UBE2D1: variants seen among roughly 807,000 people sequenced by gnomAD.
The protein encoded by UBE2D1 is ubiquitin conjugating enzyme E2 D1.
Under a neutral mutation model 24.6 loss-of-function variants are expected in UBE2D1, and 9 were observed. That is an observed-to-expected ratio of 0.37 (90% confidence interval 0.22 to 0.64). The LOEUF is 0.64. UBE2D1 is among the 30% of genes least tolerant of loss of function. The probability of loss-of-function intolerance (pLI) is 0.64; values close to 1 mark genes in which losing one functional copy is unlikely to be tolerated. For synonymous variants in UBE2D1, 57 were observed against 57.6 expected, an observed-to-expected ratio of 0.99 and a Z score of 0.04; for missense variants, 87 against 177.1, an observed-to-expected ratio of 0.49 and a Z score of 2.89.
At chr10:58,348,894 C>T (rs886779871) in intron 1 of UBE2D1, among the ~76,000 whole-genome samples, 1 of 152,130 alleles carries the variant, frequency 6.6e-6, no homozygotes, top group African/African-American at 2.4e-5. Flanking sequence ...TTGAATTAGG[C>T]TGCCTCATCT....
chr10:58,362,254 A>G (rs932067367), intron 3 of UBE2D1, among the ~76,000 whole-genome samples: 1 of 152,196 alleles, frequency 6.6e-6, no homozygotes, highest in Non-Finnish European at 1.5e-5. Context: ...ACATGTTTCC[A>G]TGAACACCAT....
chr10:58,362,835 C>G (rs1840215148), intron 3 of UBE2D1, among the ~76,000 whole-genome samples: 1 of 151,638 alleles, frequency 6.6e-6, no homozygotes, highest in Non-Finnish European at 1.5e-5. Context: ...TACCAGAATG[C>G]TAATATAACA....
At chr10:58,352,496 C>A (rs1180616389) in intron 1 of UBE2D1, among the ~76,000 whole-genome samples, 1 of 151,920 alleles carries the variant, frequency 6.6e-6, no homozygotes, top group African/African-American at 2.4e-5. Flanking sequence ...GCCTGGAATC[C>A]CAACCACTTG....
At chr10:58,346,591 A>T (rs1359835170) in intron 1 of UBE2D1, among the ~76,000 whole-genome samples, 1 of 152,180 alleles carries the variant, frequency 6.6e-6, no homozygotes, top group East Asian at 1.9e-4. Flanking sequence ...AAAGGAAGCC[A>T]TGTTTGCAAC....
At chr10:58,352,413 G>A (rs1352271166) in intron 1 of UBE2D1, among the ~76,000 whole-genome samples, 1 of 151,954 alleles carries the variant, frequency 6.6e-6, no homozygotes, top group African/African-American at 2.4e-5. Flanking sequence ...TGTGTGGCAA[G>A]ATGGCAGCAG....
At chr10:58,336,356 T>A (rs1383789585) in intron 1 of UBE2D1, among the ~76,000 whole-genome samples, 1 of 152,200 alleles carries the variant, frequency 6.6e-6, no homozygotes, top group African/African-American at 2.4e-5. Context: ...TTATCCACTT[T>A]TTTGACCAGG....
intron 1 of UBE2D1, among the ~76,000 whole-genome samples, chr10:58,350,022 G>C (rs912794972): frequency 6.6e-6 from 1 of 152,108 alleles, no homozygotes; most frequent in Non-Finnish European, 1.5e-5. Flanking sequence ...CGAGTTGTTC[G>C]TTCTACTGTT....
chr10:58,336,475 G>A (rs1361303506), intron 1 of UBE2D1, among the ~76,000 whole-genome samples: 2 of 152,156 alleles, frequency 1.3e-5, no homozygotes, highest in East Asian at 3.8e-4. Context: ...AACTTTTAGA[G>A]CCTGCCAGTT....
intron 1 of UBE2D1, among the ~76,000 whole-genome samples, chr10:58,357,859 G>C (rs1589001604): frequency 1.3e-5 from 2 of 152,096 alleles, no homozygotes; most frequent in East Asian, 3.9e-4. Flanking sequence ...AAGGATGTTT[G>C]ATATACTATC....
Position 58,368,811 on chromosome 10 carries a change from G to A in UBE2D1, c.*46G>A. ...TATACCAGAGTACTGTAAAATCTAGGTTTTTTTCAACATTAGCAGTAAATT... is the reference window on the plus strand; with the variant it reads ...TATACCAGAGTACTGTAAAATCTAGATTTTTTTCAACATTAGCAGTAAATT... On this transcript the variant is annotated 3_prime_UTR_variant, in exon 7 of 7. Transcript: ENST00000373910. 2 of 1,387,836 alleles carry A rather than the reference G, an allele frequency of 1.4e-6. No individual in the cohort carries two copies. Among genetic ancestry groups the A allele is most frequent in the South Asian group, 1.4e-5 (1 of 72,570 alleles). 86.0% of individuals were successfully genotyped at this position (1,387,836 alleles called of 1,614,324 possible).
At chr10:58,347,434 T>C (rs901105863) in intron 1 of UBE2D1, among the ~76,000 whole-genome samples, 2 of 152,140 alleles carry the variant, frequency 1.3e-5, no homozygotes, top group Non-Finnish European at 2.9e-5. Flanking sequence ...ATTCCTCTGA[T>C]GGAAATATTA....
intron 6 of UBE2D1, 52 bp downstream of exon 6, chr10:58,368,068 G>T: frequency 8.3e-7 from 1 of 1,201,674 alleles, no homozygotes; most frequent in Non-Finnish European, 1.2e-6. Context: ...TATATAGTAT[G>T]CCAAAACACG....
intron 1 of UBE2D1, among the ~76,000 whole-genome samples, chr10:58,347,442 T>G (rs906088210): frequency 5.3e-5 from 8 of 152,144 alleles, no homozygotes; most frequent in Non-Finnish European, 1.2e-4. Context: ...GATGGAAATA[T>G]TATATGTAGA....
chr10:58,343,748 TACTA>T lies in UBE2D1; in HGVS notation c.24+8526_24+8529del, dbSNP rs375144783. 5.7e-3 allele frequency among the ~76,000 whole-genome samples: 874 copies of T among 152,324 alleles called. 7 individuals are homozygous for T. Among genetic ancestry groups the T allele is most frequent in the African/African-American group, 0.02 (828 of 41,582 alleles). On this transcript the variant is annotated intron_variant, in intron 1 of 6. Transcript: ENST00000373910. ...AATATTCAAGAATAATACTGGATGA[TACTA>T]ACAGAGAGTAGAGAATTTATTATGA...
At chr10:58,337,601 G>A (rs1839916318) in intron 1 of UBE2D1, among the ~76,000 whole-genome samples, 1 of 152,118 alleles carries the variant, frequency 6.6e-6, no homozygotes, top group Non-Finnish European at 1.5e-5. Context: ...ATAGAGTTGT[G>A]TGGAACCTCA....
At chr10:58,353,809 AT>A (rs1840102298) in intron 1 of UBE2D1, among the ~76,000 whole-genome samples, 2 of 152,208 alleles carry the variant, frequency 1.3e-5, no homozygotes, top group African/African-American at 4.8e-5. Flanking sequence ...GCATATCTAT[AT>A]AAAAGAATAA....
rs1385887199 is a variant in UBE2D1, at chr10:58,370,358, G to C, written c.*1593G>C. 1 of 152,374 alleles carries C rather than the reference G, an allele frequency of 6.6e-6. No homozygotes were observed. Among genetic ancestry groups the C allele is most frequent in the East Asian group, 1.9e-4 (1 of 5,322 alleles). The allele number at this position is 152,374 out of a possible 1,614,324, so 9.4% of individuals were successfully genotyped here. A position where few individuals can be genotyped will look rare whatever the true frequency, so the allele number is the denominator to read the frequency against. ...CATTAGCAAAGCATTTAAATCACTT[G>C]AGTATTTTGTCATGGTTCATTATTA... On this transcript the variant is annotated 3_prime_UTR_variant, in exon 7 of 7. Coordinates refer to ENST00000373910, the MANE Select transcript of UBE2D1 (RefSeq NM_003338.5).
rs1840298866 is a variant in UBE2D1, at chr10:58,370,072, A to C, written c.*1307A>C. On this transcript the variant is annotated 3_prime_UTR_variant, in exon 7 of 7. Transcript: ENST00000373910. ...ACTTTTTTTTTTTTTTTACTATAGAAGTTACAAAGGAAGTTCTAAAATTAT... is the reference window on the plus strand; with the variant it reads ...ACTTTTTTTTTTTTTTTACTATAGACGTTACAAAGGAAGTTCTAAAATTAT... 6.6e-6 allele frequency: 1 copy of C among 151,484 alleles called. No homozygotes were observed. The highest frequency in any genetic ancestry group is 1.9e-4 in the East Asian group (1 of 5,200). 9.4% of individuals were successfully genotyped at this position (151,484 alleles called of 1,614,324 possible).
intron 1 of UBE2D1, among the ~76,000 whole-genome samples, chr10:58,352,469 T>C (rs538126298): frequency 4.7e-5 from 7 of 148,214 alleles, no homozygotes; most frequent in Middle Eastern, 3.5e-3. Context: ...AAAAAAATCA[T>C]GGATGTGGCG....
Sources: allele counts gnomAD v4.1 joint callset (sites outside exome capture counted in the v4.1 genomes callset), GRCh38; gene constraint gnomAD v4.1.1; transcripts MANE v1.5; gene names NCBI Gene and HGNC (gene_info 2026-07-23, HGNC 2026-07-21).